The following DNA2 variants were observed in gnomAD, a reference collection of about 807,000 sequenced individuals.
DNA2 encodes the protein DNA replication ATP-dependent helicase/nuclease DNA2.
A neutral mutation model predicts 119.1 loss-of-function variants in DNA2; 101 were observed. That is an observed-to-expected ratio of 0.85 (90% CI 0.72 to 1.00). The LOEUF is 1.00. Among genes scored for constraint, DNA2 ranks in the 50% least tolerant of loss-of-function variants. The pLI is 0.00. For missense variants in DNA2, 1,121 were observed against 1,255.5 expected (o/e 0.89, Z 1.62); for synonymous variants, 366 against 424.4 (o/e 0.86, Z 1.69).
At chr10:68,419,955 A>C in intron 17 of DNA2, 63 bp from the exon 18 acceptor site, 1 of 1,386,634 alleles carries the variant, frequency 7.2e-7, no homozygotes, top group Non-Finnish European at 1.0e-6. Flanking sequence ...TAAGTACGCA[A>C]CTGGCCATAA....
intron 8 of DNA2, among the ~76,000 whole-genome samples, chr10:68,444,665 G>A (rs1354865712): frequency 6.7e-6 from 1 of 149,398 alleles, no homozygotes; most frequent in Non-Finnish European, 1.5e-5. Context: ...CAGAGGTTGT[G>A]GTGAGCCGAG....
intron 14 of DNA2, among the ~76,000 whole-genome samples, chr10:68,424,270 A>G (rs2133365222): frequency 6.6e-6 from 1 of 152,280 alleles, no homozygotes; most frequent in South Asian, 2.1e-4. Flanking sequence ...TTGGGAGGCC[A>G]AGGTGGGCAG....
rs2051892610 is a variant in DNA2 at position 68,436,662 on chromosome 10, A to C, written c.1646+349T>G. Among the ~76,000 whole-genome samples the C allele has an allele frequency of 2.0e-5, 3 of 152,370 alleles. No individual in the cohort carries two copies. The South Asian group carries it at 6.2e-4, about 32-fold the overall frequency. The stretch of plus-strand genomic sequence containing the variant: ...TAACATGAAGATGAATTTCAAAAAC[A>C]GTGTGCTGTGTGAAAAAACCCAGTC... On this transcript the variant is annotated intron_variant, in intron 10 of 20. Coordinates refer to ENST00000358410, the MANE Select transcript of DNA2 (RefSeq NM_001080449.3).
At chr10:68,419,960 C>A in intron 17 of DNA2, 68 bp from the exon 18 acceptor site, 1 of 1,272,154 alleles carries the variant, frequency 7.9e-7, no homozygotes, top group South Asian at 1.3e-5. Context: ...ACGCAACTGG[C>A]CATAAAGACT....
intron 18 of DNA2, 118 bp downstream of exon 18, chr10:68,419,685 T>C: frequency 1.4e-6 from 1 of 707,588 alleles, no homozygotes; most frequent in Non-Finnish European, 2.4e-6. Flanking sequence ...ACAATGGGGC[T>C]TCAATCCCCC....
At position 68,445,164 on chromosome 10, in the gene DNA2, A is replaced by G. The variant is rs940674309; in HGVS notation, c.1058-81T>C. The G allele has an allele frequency of 5.4e-5, 72 of 1,321,588 alleles. 1 individual carries two copies. In the Admixed American group the frequency reaches 1.6e-3, roughly 30 times the overall value. 81.9% of individuals were successfully genotyped at this position (1,321,588 alleles called of 1,614,324 possible). ...TTTTCACTACATATGTAAAACTTGC[A>G]GATTTAAAAACATTTTAGGGCCGGG... On this transcript the variant is annotated intron_variant, in intron 7 of 20. Transcript: ENST00000358410.
intron 14 of DNA2, among the ~76,000 whole-genome samples, chr10:68,427,256 G>A (rs1413641478): frequency 6.6e-6 from 1 of 151,940 alleles, no homozygotes; most frequent in Non-Finnish European, 1.5e-5. Context: ...TACTTGGGAG[G>A]CTGAGGCAGG....
At chr10:68,448,683 A>G (rs2052073600) in intron 6 of DNA2, among the ~76,000 whole-genome samples, 1 of 152,218 alleles carries the variant, frequency 6.6e-6, no homozygotes, top group African/African-American at 2.4e-5. Flanking sequence ...AAATACAGTA[A>G]TATTCTTTGC....
At chr10:68,422,141 A>T in intron 17 of DNA2, 84 bp downstream of exon 17, 1 of 1,133,450 alleles carries the variant, frequency 8.8e-7, no homozygotes, top group Non-Finnish European at 1.2e-6. Context: ...GATAAGCTCT[A>T]ATTAGGGCAT....
In DNA2 at chr10:68,432,383, T is replaced by C. The variant is rs766377563; in HGVS notation, c.1763+11A>G. Reference sequence around the variant, plus strand: ...GTGGAGTGAAATTCAAATTTGCTCATTGTTACAAACCTGACAAACGTGTTT... The same window carrying C: ...GTGGAGTGAAATTCAAATTTGCTCACTGTTACAAACCTGACAAACGTGTTT... On this transcript the variant is annotated intron_variant, in intron 11 of 20. Coordinates refer to ENST00000358410, the MANE Select transcript of DNA2 (RefSeq NM_001080449.3). 7.6e-6 allele frequency: 12 copies of C among 1,577,554 alleles called. No individual in the cohort carries two copies. In the African/African-American group the frequency reaches 1.4e-4, roughly 18 times the overall value.
chr10:68,445,798 C>T (rs1174136874), intron 7 of DNA2, among the ~76,000 whole-genome samples: 1 of 151,814 alleles, frequency 6.6e-6, no homozygotes, highest in Non-Finnish European at 1.5e-5. Flanking sequence ...ATAATGTTTT[C>T]AACTATAGAG....
rs560288037 is a variant in DNA2 at position 68,452,126 on chromosome 10, G to C, written c.720-1879C>G. On this transcript the variant is annotated intron_variant, in intron 5 of 20. Transcript: ENST00000358410. ...GAGACAGGGTCTCTCTCTGTTGCCC[G>C]GGGTAGAGTGCAGTGGCATGAACAC... Among the ~76,000 whole-genome samples the C allele has an allele frequency of 1.3e-4, 19 of 151,914 alleles. No individual in the cohort carries two copies. The South Asian group carries it at 3.8e-3, about 30-fold the overall frequency.
intron 1 of DNA2, chr10:68,470,489 C>T (rs944658771): frequency 2.5e-6 from 1 of 394,842 alleles, no homozygotes; most frequent in Non-Finnish European, 4.9e-6. Flanking sequence ...TGGCGCACAC[C>T]TGTAGTCCCA....
intron 5 of DNA2, among the ~76,000 whole-genome samples, chr10:68,454,939 GAT>G (rs749218307): frequency 1.1e-5 from 1 of 92,644 alleles, no homozygotes; most frequent in Non-Finnish European, 2.2e-5. Flanking sequence ...ATAAAATTAG[GAT>G]TTTTTTTTTT....
intron 4 of DNA2, chr10:68,461,364 T>A (rs1038303862): frequency 6.6e-5 from 10 of 152,330 alleles, no homozygotes; most frequent in African/African-American, 2.2e-4. Flanking sequence ...CACGATCTTA[T>A]ATGAAGTCAT....
At chr10:68,464,970 T>C (rs1162591933) in intron 4 of DNA2, among the ~76,000 whole-genome samples, 2 of 148,128 alleles carry the variant, frequency 1.4e-5, no homozygotes, top group African/African-American at 2.5e-5. Context: ...CTGGACAACA[T>C]AGCAAGACCC....
chr10:68,422,184 G>A, intron 17 of DNA2, 41 bp downstream of exon 17: 1 of 1,424,728 alleles, frequency 7.0e-7, no homozygotes, highest in Non-Finnish European at 9.4e-7. Flanking sequence ...TTAAATAATA[G>A]GACAAAATGA....
intron 5 of DNA2, among the ~76,000 whole-genome samples, chr10:68,457,865 A>G (rs1234467932): frequency 1.3e-5 from 2 of 152,128 alleles, no homozygotes; most frequent in Non-Finnish European, 2.9e-5. Flanking sequence ...GTAACACAGA[A>G]AAATACACAT....
chr10:68,442,842 G>C, intron 9 of DNA2, 75 bp downstream of exon 9: 2 of 1,231,260 alleles, frequency 1.6e-6, no homozygotes, highest in Non-Finnish European at 2.3e-6. Context: ...ACTTGTATTT[G>C]TCATAAATTC....
Sources: gnomAD v4.1 joint callset for allele counts (sites outside exome capture counted in the v4.1 genomes callset) on GRCh38, gnomAD v4.1.1 for gene constraint, MANE v1.5 for transcripts, NCBI Gene and HGNC (gene_info 2026-07-23, HGNC 2026-07-21) for gene names.